The following TBC1D8B variants were observed in gnomAD, a reference collection of about 807,000 sequenced individuals.
TBC1D8B encodes RP11-321G1.1.
A neutral mutation model predicts 82.9 loss-of-function variants in TBC1D8B; 75 were observed. That is an observed-to-expected ratio of 0.90 (90% CI 0.75 to 1.10). TBC1D8B has a LOEUF of 1.10. Among genes scored for constraint, TBC1D8B ranks in the 50% least tolerant of loss-of-function variants. TBC1D8B has a pLI of 0.00. For synonymous variants in TBC1D8B, 276 were observed against 276.8 expected, an observed-to-expected ratio of 1.00 and a Z score of 0.03; for missense variants, 794 against 796.9, an observed-to-expected ratio of 1.00 and a Z score of 0.04.
At position 106,823,413 on chromosome X, in the gene TBC1D8B, G is replaced by A; in HGVS notation, c.774G>A (p.Lys258=). The change falls in exon 5 of 21, where the codon AAG becomes AAA. Residue 258 remains lysine, a synonymous_variant. Transcript: ENST00000357242. ...ATGCCATTAGAAGACTTTTTGATAA[G>A]GAAACATTTGATAATGACCCAGTCC... ...ANYAIRRLFD[K]ETFDNDPVLY... 1.7e-6 allele frequency: 2 copies of A among 1,209,958 alleles called. No homozygotes were observed. The highest frequency in any genetic ancestry group is 2.2e-6 in the Non-Finnish European group (2 of 894,361).
Position 106,873,990 on chromosome X carries a change from A to G in TBC1D8B, c.*25A>G. 2.6e-6 allele frequency: 3 copies of G among 1,150,807 alleles called. No homozygotes were observed. The highest frequency in any genetic ancestry group is 3.6e-5 in the African/African-American group (2 of 55,673). 94.8% of individuals were successfully genotyped at this position (1,150,807 alleles called of 1,213,427 possible). ...AATCCCTAGGAATTGCCTATCATAG[A>G]CAAGTTTACTAACATTCCTGTAGCT... On this transcript the variant is annotated 3_prime_UTR_variant, in exon 21 of 21. Transcript: ENST00000357242.
rs757320613 is a variant in TBC1D8B at position 106,874,050 on chromosome X, T to C, written c.*85T>C. The C allele has an allele frequency of 5.8e-5, 59 of 1,014,435 alleles. No individual in the cohort carries two copies. Among genetic ancestry groups the C allele is most frequent in the Admixed American group, 4.3e-4 (13 of 29,942 alleles). 83.6% of individuals were successfully genotyped at this position (1,014,435 alleles called of 1,213,427 possible). On this transcript the variant is annotated 3_prime_UTR_variant, in exon 21 of 21. Transcript: ENST00000357242. ...ATTCCTGTGAGTAGGGCTCAGGGAT[T>C]TATCTTGTTACCAATGTGTCTGAAG...
At position 106,865,895 on chromosome X, in the gene TBC1D8B, C is replaced by A. The variant is rs368479839; in HGVS notation, c.2524C>A (p.Gln842Lys). The change falls in exon 16 of 21, where the codon CAG (glutamine) becomes AAG (lysine). Residue 842 changes from glutamine (Q) to lysine (K), a missense_variant. Coordinates refer to ENST00000357242, the MANE Select transcript of TBC1D8B (RefSeq NM_017752.3). Reference protein sequence around the residue: ...YLEQYQIDCQQFRALYHLLSP... With the variant: ...YLEQYQIDCQKFRALYHLLSP... ...GGAACAGTATCAGATTGACTGCCAG[C>A]AGTTCAGAGCGTTGTATCACTTGTT... is the stretch of plus-strand genomic sequence containing the variant. 57 of 1,209,322 alleles carry A rather than the reference C, an allele frequency of 4.7e-5. No homozygotes were observed. Among genetic ancestry groups the A allele is most frequent in the Non-Finnish European group, 6.4e-5 (57 of 894,959 alleles).
At chrX:106,866,094 T>C in intron 16 of TBC1D8B, 61 bp downstream of exon 16, 10 of 1,082,695 alleles carry the variant, frequency 9.2e-6, no homozygotes, top group Non-Finnish European at 1.1e-5. Flanking sequence ...GTACTGCCTA[T>C]TATTGCCAAT....
At chrX:106,846,836 A>T (rs993367677) in intron 10 of TBC1D8B, among the ~76,000 whole-genome samples, 7 of 112,259 alleles carry the variant, frequency 6.2e-5, no homozygotes, top group Non-Finnish European at 9.4e-5. Context: ...AGAAGAGAAA[A>T]TACAGGTTGA....
chrX:106,848,087 C>A, intron 10 of TBC1D8B, 99 bp from the exon 11 acceptor site: 1 of 501,585 alleles, frequency 2.0e-6, no homozygotes, highest in South Asian at 4.8e-5. Context: ...TTATTACTCT[C>A]AGTTGTTCTT....
chrX:106,875,783 A>G lies in TBC1D8B; in HGVS notation c.*1818A>G, dbSNP rs760040264. ...ATTTACAAAGAAAGGTACTTTCTTA[A>G]GAGCATATATGTTATTAATATTTGA... On this transcript the variant is annotated 3_prime_UTR_variant, in exon 21 of 21. Coordinates refer to ENST00000357242, the MANE Select transcript of TBC1D8B (RefSeq NM_017752.3). 3.6e-5 allele frequency: 4 copies of G among 112,473 alleles called. No homozygotes were observed. In the East Asian group the frequency reaches 1.1e-3, roughly 31 times the overall value. 9.3% of individuals were successfully genotyped at this position (112,473 alleles called of 1,213,427 possible).
intron 18 of TBC1D8B, 40 bp downstream of exon 18, chrX:106,868,516 G>A (rs761048205): frequency 1.4e-5 from 12 of 881,817 alleles, no homozygotes; most frequent in Non-Finnish European, 1.8e-5. Flanking sequence ...TTGATGATTA[G>A]CCACCCATAA....
At chrX:106,866,469 C>T (rs1254262277) in intron 16 of TBC1D8B, among the ~76,000 whole-genome samples, 1 of 112,153 alleles carries the variant, frequency 8.9e-6, no homozygotes, top group Non-Finnish European at 1.9e-5. Flanking sequence ...GATACCCCAG[C>T]ATGCTTTCTT....
intron 14 of TBC1D8B, among the ~76,000 whole-genome samples, chrX:106,864,698 T>C (rs1932802478): frequency 9.1e-6 from 1 of 110,241 alleles, no homozygotes; most frequent in South Asian, 4.0e-4. Flanking sequence ...TTTGTATTTT[T>C]AGTAGAGACA....
chrX:106,867,412 G>A (rs1343936273), intron 17 of TBC1D8B, among the ~76,000 whole-genome samples: 1 of 111,561 alleles, frequency 9.0e-6, no homozygotes, highest in Non-Finnish European at 1.9e-5. Flanking sequence ...TGATGATAAG[G>A]AAACTGAGAG....
chrX:106,807,942 A>G (rs895924732), intron 1 of TBC1D8B, among the ~76,000 whole-genome samples: 76 of 110,371 alleles, frequency 6.9e-4, no homozygotes, highest in African/African-American at 2.5e-3. Context: ...AGTCCCAGCT[A>G]CTGATGAGGC....
At chrX:106,842,601 CTCTATCTATCTATCTATCTA>C (rs55764545) in intron 10 of TBC1D8B, among the ~76,000 whole-genome samples, 6,072 of 95,273 alleles carry the variant, frequency 0.064, 524 homozygotes, top group African/African-American at 0.22. Flanking sequence ...GGCTAGCTTG[CTCTATCTATCTATCTATCTA>C]TCTATCTATC....
At chrX:106,808,753 C>A (rs1304098180) in intron 1 of TBC1D8B, among the ~76,000 whole-genome samples, 1 of 111,866 alleles carries the variant, frequency 8.9e-6, no homozygotes, top group Non-Finnish European at 1.9e-5. Context: ...ACATTGGTTA[C>A]CTTAGTAGTA....
chrX:106,808,138 C>T (rs1236582984), intron 1 of TBC1D8B, among the ~76,000 whole-genome samples: 5 of 111,592 alleles, frequency 4.5e-5, no homozygotes, highest in African/African-American at 1.6e-4. Context: ...ACACCAAGTT[C>T]AGTGATTCCA....
intron 14 of TBC1D8B, among the ~76,000 whole-genome samples, chrX:106,857,629 A>G (rs1282340738): frequency 9.0e-6 from 1 of 111,651 alleles, no homozygotes; most frequent in Non-Finnish European, 1.9e-5. Flanking sequence ...TGTGTACTCA[A>G]TGTTTAGCTC....
chrX:106,851,659 G>T (rs1258330827), intron 12 of TBC1D8B, among the ~76,000 whole-genome samples: 4 of 109,278 alleles, frequency 3.7e-5, no homozygotes, highest in Non-Finnish European at 7.6e-5. Flanking sequence ...GTGAGAACAT[G>T]CGATGTTTCA....
intron 1 of TBC1D8B, among the ~76,000 whole-genome samples, chrX:106,812,425 G>A (rs779922863): frequency 7.2e-5 from 8 of 111,619 alleles, no homozygotes; most frequent in Non-Finnish European, 1.5e-4. Context: ...TCATTACCGT[G>A]GAAAAAATTA....
chrX:106,856,853 T>C (rs1569455248), intron 14 of TBC1D8B, among the ~76,000 whole-genome samples: 1 of 111,885 alleles, frequency 8.9e-6, no homozygotes, highest in Non-Finnish European at 1.9e-5. Context: ...ATGGTTTTGC[T>C]GCTAATATGA....
Sources: gnomAD v4.1 joint callset for allele counts (sites outside exome capture counted in the v4.1 genomes callset) on GRCh38, gnomAD v4.1.1 for gene constraint, MANE v1.5 for transcripts, NCBI Gene and HGNC (gene_info 2026-07-23, HGNC 2026-07-21) for gene names.